CATSPERD: variants seen among roughly 807,000 people sequenced by gnomAD.
The protein encoded by CATSPERD is cation channel sperm-associated auxiliary subunit delta.
In CATSPERD, 86 loss-of-function variants were observed where a neutral mutation model predicts 98.1. The ratio of observed to expected loss-of-function variants is 0.88; its 90% confidence interval spans 0.74 to 1.05. The LOEUF (loss-of-function observed/expected upper bound fraction) is 1.05, where lower values mean the gene tolerates loss of function less well. CATSPERD is among the 50% of genes least tolerant of loss of function. CATSPERD has a pLI of 0.00. For synonymous variants in CATSPERD, 394 were observed against 390.2 expected, an observed-to-expected ratio of 1.01 and a Z score of -0.12; for missense variants, 995 against 1,005.7, an observed-to-expected ratio of 0.99 and a Z score of 0.14.
At position 5,723,482 on chromosome 19, in the gene CATSPERD, TGAGACGGAG is replaced by T. The variant is rs2055540682; in HGVS notation, c.72-1325_72-1317del. Among the ~76,000 whole-genome samples, 6 of 128,652 alleles carry T rather than the reference TGAGACGGAG, an allele frequency of 4.7e-5. No homozygotes were observed. In the South Asian group the frequency reaches 1.6e-3, roughly 34 times the overall value. 84.4% of individuals were successfully genotyped at this position (128,652 alleles called of 152,430 possible). ...AATTTTTTTTTTTTTTTTTTTTTTT[TGAGACGGAG>T]TCTCGCTCTGTTGCCCAGGCTGGAG... On this transcript the variant is annotated intron_variant, in intron 1 of 21. Coordinates refer to ENST00000381624, the MANE Select transcript of CATSPERD (RefSeq NM_152784.4).
chr19:5,751,231 A>G (rs958440137), intron 11 of CATSPERD, among the ~76,000 whole-genome samples: 1 of 86,022 alleles, frequency 1.2e-5, no homozygotes, highest in African/African-American at 4.6e-5. Context: ...AAAAAAAAAA[A>G]AAAAAAAAAA....
intron 8 of CATSPERD, 101 bp downstream of exon 8, chr19:5,744,611 T>A: frequency 1.4e-6 from 1 of 716,522 alleles, no homozygotes; most frequent in Non-Finnish European, 2.1e-6. Flanking sequence ...ATTTATTTAA[T>A]TTTTTTTTAG....
intron 19 of CATSPERD, among the ~76,000 whole-genome samples, chr19:5,771,583 C>CTT (rs143776994): frequency 2.1e-4 from 29 of 140,322 alleles, no homozygotes; most frequent in African/African-American, 5.5e-4. Flanking sequence ...TCTTCCTGTT[C>CTT]TTTTTTTTTT....
At position 5,745,910 on chromosome 19, in the gene CATSPERD, C is replaced by T; in HGVS notation, c.658-3C>T. 1 of 1,613,744 alleles carries T rather than the reference C, an allele frequency of 6.2e-7. No homozygotes were observed. The highest frequency in any genetic ancestry group is 8.5e-7 in the Non-Finnish European group (1 of 1,179,876). On this transcript the variant is annotated splice_region_variant and splice_polypyrimidine_tract_variant and intron_variant, in intron 8 of 21. Transcript: ENST00000381624. ...GAGGCTGAATGGTGTCTTTTTCTCC[C>T]AGGGCATGTTCAAGTACTCAGATCA...
chr19:5,749,098 C>T lies in CATSPERD; in HGVS notation c.905-3C>T. 2 of 1,610,292 alleles carry T rather than the reference C, an allele frequency of 1.2e-6. No homozygotes were observed. The highest frequency in any genetic ancestry group is 1.1e-5 in the South Asian group (1 of 90,490). ...TTGTTTTGTCTTGTTTTGTTTTTCC[C>T]AGCTGAAAATGAACTGGCAGTTATA... On this transcript the variant is annotated splice_region_variant and splice_polypyrimidine_tract_variant and intron_variant, in intron 10 of 21. Coordinates refer to ENST00000381624, the MANE Select transcript of CATSPERD (RefSeq NM_152784.4).
Position 5,733,907 on chromosome 19 carries a change from T to C in CATSPERD, c.328T>C (p.Leu110=), listed in dbSNP as rs368323370. Residue 110 remains leucine (L), a synonymous_variant, in exon 5 of 22, where the codon TTA becomes CTA. Coordinates refer to ENST00000381624, the MANE Select transcript of CATSPERD (RefSeq NM_152784.4). ...SAHFAGSLLL[L]VVDQKVYIYD... is the part of the protein sequence containing the mutation. Reference sequence around the variant, plus strand: ...ACATTTTGCTGGTTCGTTATTGCTGTTAGTAGTGGATCAAAAAGTCTATAT... The same window carrying C: ...ACATTTTGCTGGTTCGTTATTGCTGCTAGTAGTGGATCAAAAAGTCTATAT... The C allele has an allele frequency of 1.6e-4, 263 of 1,612,982 alleles. No homozygotes were observed. Among genetic ancestry groups the C allele is most frequent in the Non-Finnish European group, 2.1e-4 (245 of 1,179,768 alleles).
rs527796326 is a variant in CATSPERD, at chr19:5,748,728, C to CTTTT, written c.905-356_905-353dup. The stretch of plus-strand genomic sequence containing the variant: ...ACCAGAAAATAGCTGTCATATTATT[C>CTTTT]TTTTTTTTTTTTTTTTTTTTGAGAT... On this transcript the variant is annotated intron_variant, in intron 10 of 21. Transcript: ENST00000381624. 8.9e-3 allele frequency among the ~76,000 whole-genome samples: 837 copies of CTTTT among 94,050 alleles called. 4 individuals carry two copies. The highest frequency in any genetic ancestry group is 0.01 in the Non-Finnish European group (558 of 53,194). The allele number at this position is 94,050 out of a possible 152,430, so 61.7% of individuals were successfully genotyped here.
At chr19:5,776,433 C>T (rs1264354310) in intron 21 of CATSPERD, 118 bp downstream of exon 21, 7 of 1,113,536 alleles carry the variant, frequency 6.3e-6, no homozygotes, top group Middle Eastern at 2.6e-4. Context: ...CAGCCCAGGC[C>T]GTCCCCAGGA....
intron 5 of CATSPERD, among the ~76,000 whole-genome samples, chr19:5,736,605 T>A (rs2055850939): frequency 1.3e-5 from 2 of 151,906 alleles, no homozygotes; most frequent in African/African-American, 4.8e-5. Context: ...TAATTCCAGC[T>A]TGAGAGGCTG....
intron 13 of CATSPERD, among the ~76,000 whole-genome samples, chr19:5,757,344 C>T (rs1189398651): frequency 6.8e-6 from 1 of 146,294 alleles, no homozygotes. Flanking sequence ...GTTACCCAGG[C>T]GGGAGTACAA....
At chr19:5,754,822 C>A (rs1431472119) in intron 13 of CATSPERD, among the ~76,000 whole-genome samples, 1 of 151,506 alleles carries the variant, frequency 6.6e-6, no homozygotes, top group Non-Finnish European at 1.5e-5. Flanking sequence ...TTCTGAGCTG[C>A]CCATACATTC....
chr19:5,778,439 C>G lies in CATSPERD; in HGVS notation c.2160C>G (p.Val720=), dbSNP rs1400125306. 1 of 1,613,954 alleles carries G rather than the reference C, an allele frequency of 6.2e-7. No individual in the cohort carries two copies. ...ATGGAGCATTCCCCGTGCAGCTGGT[C>G]TCTGCTGGAGTCGTCATCCTACTGA... ...YVYGAFPVQL[V]SAGVVILLII... is the part of the protein sequence containing the mutation. The change falls in exon 22 of 22, where the codon GTC becomes GTG. Residue 720 remains valine, a synonymous_variant. Coordinates refer to ENST00000381624, the MANE Select transcript of CATSPERD (RefSeq NM_152784.4).
intron 16 of CATSPERD, among the ~76,000 whole-genome samples, chr19:5,763,980 C>T (rs571473645): frequency 2.0e-5 from 3 of 150,792 alleles, no homozygotes; most frequent in South Asian, 2.1e-4. Flanking sequence ...TCCCGAGTAG[C>T]GGGGATTACA....
intron 18 of CATSPERD, among the ~76,000 whole-genome samples, chr19:5,769,110 A>T (rs1301843921): frequency 6.6e-6 from 1 of 151,244 alleles, no homozygotes; most frequent in Non-Finnish European, 1.5e-5. Flanking sequence ...GCCAAGATTG[A>T]GCCACTGCAC....
intron 4 of CATSPERD, 101 bp from the exon 5 acceptor site, chr19:5,733,755 C>A: frequency 1.2e-6 from 1 of 819,426 alleles, no homozygotes; most frequent in South Asian, 1.5e-5. Flanking sequence ...CGCGCCCGTC[C>A]ATACATTTTT....
At chr19:5,733,613 C>T (rs2055779408) in intron 4 of CATSPERD, among the ~76,000 whole-genome samples, 1 of 151,834 alleles carries the variant, frequency 6.6e-6, no homozygotes, top group South Asian at 2.1e-4. Flanking sequence ...CCTGCTGCCA[C>T]AACTGGCTAA....
chr19:5,735,803 G>A (rs560953804), intron 5 of CATSPERD, among the ~76,000 whole-genome samples: 41 of 110,458 alleles, frequency 3.7e-4, no homozygotes, highest in South Asian at 1.7e-3. Flanking sequence ...TTGAGACGGC[G>A]TCTTGCTCTG....
chr19:5,747,301 G>C (rs1468626412), intron 9 of CATSPERD, among the ~76,000 whole-genome samples: 3 of 149,924 alleles, frequency 2.0e-5, no homozygotes, highest in African/African-American at 7.4e-5. Flanking sequence ...CAGCCTCCCA[G>C]TAACTGGGAC....
intron 8 of CATSPERD, 106 bp from the exon 9 acceptor site, chr19:5,745,807 T>G: frequency 9.1e-7 from 1 of 1,102,370 alleles, no homozygotes; most frequent in South Asian, 2.2e-5. Context: ...TTGCTTTCTT[T>G]GCTTTCCCCT....
Sources: gnomAD v4.1 joint callset for allele counts (sites outside exome capture counted in the v4.1 genomes callset) on GRCh38, gnomAD v4.1.1 for gene constraint, MANE v1.5 for transcripts, NCBI Gene and HGNC (gene_info 2026-07-23, HGNC 2026-07-21) for gene names.